Variants in SDK1 observed in about 807,000 individuals in gnomAD.
SDK1 encodes the protein sidekick cell adhesion molecule 1.
A neutral mutation model predicts 245.5 loss-of-function variants in SDK1; 157 were observed. The ratio of observed to expected loss-of-function variants is 0.64; its 90% CI spans 0.56 to 0.73. SDK1 has a LOEUF of 0.73. Among genes scored for constraint, SDK1 ranks in the 30% least tolerant of loss-of-function variants. SDK1 has a pLI of 0.00. For missense variants in SDK1, 3,583 were observed against 3,002.3 expected (o/e 1.19, Z -4.52); for synonymous variants, 1,647 against 1,278.5 (o/e 1.29, Z -6.15).
At chr7:3,692,575 A>G (rs1047802690) in intron 4 of SDK1, among the ~76,000 whole-genome samples, 2 of 152,092 alleles carry the variant, frequency 1.3e-5, no homozygotes, top group African/African-American at 4.8e-5. Context: ...ATGTCCTTCA[A>G]TTTTTGTGCT....
At chr7:4,262,307 C>T (rs949657737) in intron 44 of SDK1, among the ~76,000 whole-genome samples, 2 of 151,904 alleles carry the variant, frequency 1.3e-5, no homozygotes, top group South Asian at 2.1e-4. Flanking sequence ...CCGCTCGCCT[C>T]AGCCACCCAA....
chr7:3,776,916 A>G (rs1780581882), intron 4 of SDK1, among the ~76,000 whole-genome samples: 1 of 152,168 alleles, frequency 6.6e-6, no homozygotes, highest in African/African-American at 2.4e-5. Context: ...AGAGAACTGT[A>G]TCATAGAGCA....
At chr7:3,727,185 G>C (rs1739445603) in intron 4 of SDK1, among the ~76,000 whole-genome samples, 1 of 152,206 alleles carries the variant, frequency 6.6e-6, no homozygotes, top group Admixed American at 6.5e-5. Flanking sequence ...GTTGGCAAAA[G>C]TATCACTCAC....
At chr7:3,351,356 G>C (rs1056023686) in intron 1 of SDK1, among the ~76,000 whole-genome samples, 20 of 152,102 alleles carry the variant, frequency 1.3e-4, no homozygotes, top group Admixed American at 1.1e-3. Context: ...AGAAAAATTA[G>C]AAAATGGACC....
intron 4 of SDK1, among the ~76,000 whole-genome samples, chr7:3,686,223 C>T (rs920275988): frequency 6.6e-6 from 1 of 152,132 alleles, no homozygotes; most frequent in Non-Finnish European, 1.5e-5. Flanking sequence ...TTACAGGCAT[C>T]TGCCACCATT....
At chr7:3,540,138 G>C (rs1184737548) in intron 1 of SDK1, among the ~76,000 whole-genome samples, 4 of 152,258 alleles carry the variant, frequency 2.6e-5, no homozygotes, top group Non-Finnish European at 5.9e-5. Flanking sequence ...CGGGTGTGGT[G>C]GCTGACGCCG....
chr7:4,001,392 C>A (rs995227844), intron 14 of SDK1, among the ~76,000 whole-genome samples: 2 of 152,200 alleles, frequency 1.3e-5, no homozygotes, highest in Non-Finnish European at 2.9e-5. Flanking sequence ...CCACATCTCC[C>A]GGTGAGCATG....
chr7:4,166,569 G>A (rs1012396553), intron 32 of SDK1, among the ~76,000 whole-genome samples: 7 of 152,220 alleles, frequency 4.6e-5, no homozygotes, highest in African/African-American at 1.4e-4. Context: ...CGGGTATTGC[G>A]TGTTGAGCCT....
At chr7:4,259,640 C>T (rs1332996508) in intron 44 of SDK1, among the ~76,000 whole-genome samples, 3 of 152,188 alleles carry the variant, frequency 2.0e-5, no homozygotes, top group Admixed American at 6.5e-5. Flanking sequence ...TGAGAATATT[C>T]ACACTGAATA....
Position 3,582,348 on chromosome 7 carries a change from C to G in SDK1, c.299-36732C>G, listed in dbSNP as rs192236382. Among the ~76,000 whole-genome samples, 235 of 142,326 alleles carry G rather than the reference C, an allele frequency of 1.7e-3. 1 individual carries two copies. The highest frequency in any genetic ancestry group is 3.4e-3 in the African/African-American group (125 of 36,874). The allele number at this position is 142,326 out of a possible 152,430, so 93.4% of individuals were successfully genotyped here. On this transcript the variant is annotated intron_variant, in intron 1 of 44. Coordinates refer to ENST00000404826, the MANE Select transcript of SDK1 (RefSeq NM_152744.4). Reference sequence around the variant, plus strand: ...AGGTAGGTCTGTCTCAGGTAGGTCTCCCTCAGGTAGGTCTGTCTCAGGTAG... The same window carrying G: ...AGGTAGGTCTGTCTCAGGTAGGTCTGCCTCAGGTAGGTCTGTCTCAGGTAG...
At chr7:3,831,329 A>C (rs1222140214) in intron 5 of SDK1, among the ~76,000 whole-genome samples, 1 of 152,198 alleles carries the variant, frequency 6.6e-6, no homozygotes, top group East Asian at 1.9e-4. Context: ...TCTAGACTAA[A>C]TGGTTCTACT....
intron 4 of SDK1, among the ~76,000 whole-genome samples, chr7:3,780,928 A>C (rs1780713784): frequency 6.6e-6 from 1 of 152,076 alleles, no homozygotes; most frequent in Admixed American, 6.5e-5. Flanking sequence ...GAAGGCAAGC[A>C]GTAGTTCCAC....
At position 3,989,119 on chromosome 7, in the gene SDK1, G is replaced by T. The variant is rs1040778410; in HGVS notation, c.2131+1797G>T. On this transcript the variant is annotated intron_variant, in intron 14 of 44. Coordinates refer to ENST00000404826, the MANE Select transcript of SDK1 (RefSeq NM_152744.4). Reference sequence around the variant, plus strand: ...TCTGTTATCCTATCTGTATTAGTCGGTTTTCACACTGCCAATAAAGACACA... The same window carrying T: ...TCTGTTATCCTATCTGTATTAGTCGTTTTTCACACTGCCAATAAAGACACA... Among the ~76,000 whole-genome samples the T allele has an allele frequency of 2.0e-5, 3 of 152,184 alleles. No homozygotes were observed. In the East Asian group the frequency reaches 5.8e-4, roughly 29 times the overall value.
chr7:3,386,030 C>T (rs977313544), intron 1 of SDK1, among the ~76,000 whole-genome samples: 6 of 151,730 alleles, frequency 4.0e-5, no homozygotes, highest in African/African-American at 4.8e-5. Context: ...GATTTTCACT[C>T]GTTAGTAATA....
intron 13 of SDK1, among the ~76,000 whole-genome samples, chr7:3,983,222 T>C (rs1783554605): frequency 2.6e-5 from 4 of 152,222 alleles, no homozygotes; most frequent in Admixed American, 2.6e-4. Flanking sequence ...TTTGGGAGGA[T>C]TGACTCCAAT....
chr7:4,175,045 G>A (rs376870575), intron 33 of SDK1, among the ~76,000 whole-genome samples: 5 of 152,194 alleles, frequency 3.3e-5, no homozygotes, highest in East Asian at 1.9e-4. Context: ...GTGCCCTCCC[G>A]CTTTCTGCCA....
At chr7:4,163,088 C>T (rs934611214) in intron 32 of SDK1, among the ~76,000 whole-genome samples, 2 of 152,136 alleles carry the variant, frequency 1.3e-5, no homozygotes, top group Admixed American at 6.5e-5. Flanking sequence ...GGGCCAAGCA[C>T]GAGGGCAGAG....
rs145129204 is a variant in SDK1 at position 4,149,103 on chromosome 7, C to G, written c.4424-159C>G. 4.0e-3 allele frequency among the ~76,000 whole-genome samples: 606 copies of G among 152,134 alleles called. 5 individuals carry two copies. Among genetic ancestry groups the G allele is most frequent in the African/African-American group, 0.014 (567 of 41,440 alleles). On this transcript the variant is annotated intron_variant, in intron 29 of 44. Coordinates refer to ENST00000404826, the MANE Select transcript of SDK1 (RefSeq NM_152744.4). Reference sequence around the variant, plus strand: ...AACAAAAAAACAGAGCCTCTCATCTCCCTGACCCAAGGAAGGGACTGGCTT... The same window carrying G: ...AACAAAAAAACAGAGCCTCTCATCTGCCTGACCCAAGGAAGGGACTGGCTT...
rs763897768 is a variant in SDK1, at chr7:3,962,729, A to C, written c.1307A>C (p.Lys436Thr). Residue 436 changes from lysine (K) to threonine (T), a missense_variant, in exon 9 of 45, where the codon AAA becomes ACA. Transcript: ENST00000404826. ...SISRLQNPRY[K>T]VLASGGLRIQ... The stretch of plus-strand genomic sequence containing the variant: ...AGCAGGCTCCAGAATCCTCGATACA[A>C]AGTGCTCGCCAGCGGAGGCCTGCGC... 1.9e-6 allele frequency: 3 copies of C among 1,613,652 alleles called. No homozygotes were observed. The African/African-American group carries it at 4.0e-5, about 22-fold the overall frequency.
Sources: allele counts gnomAD v4.1 joint callset (sites outside exome capture counted in the v4.1 genomes callset), GRCh38; gene constraint gnomAD v4.1.1; transcripts MANE v1.5; gene names NCBI Gene and HGNC (gene_info 2026-07-23, HGNC 2026-07-21).